Variants in CACNA1C observed in about 807,000 individuals in gnomAD.
CACNA1C encodes calcium voltage-gated channel subunit alpha1 C, also known as voltage-dependent L-type calcium channel subunit alpha-1C.
In CACNA1C, 30 loss-of-function variants were observed where a neutral mutation model predicts 229.0. The ratio of observed to expected loss-of-function variants is 0.13; its 90% CI spans 0.10 to 0.18. The LOEUF is 0.18. CACNA1C is among the 10% of genes least tolerant of loss of function. CACNA1C has a pLI of 1.00. For missense variants in CACNA1C, 1,658 were observed against 2,845.0 expected (o/e 0.58, Z 9.49); for synonymous variants, 1,114 against 1,132.5 (o/e 0.98, Z 0.33).
At chr12:2,667,232 C>CA (rs959589385) in intron 37 of CACNA1C, among the ~76,000 whole-genome samples, 27 of 97,960 alleles carry the variant, frequency 2.8e-4, no homozygotes, top group South Asian at 1.8e-3. Flanking sequence ...GACCATGACC[C>CA]AAAAAAAAAG....
At chr12:2,052,778 G>A (rs1356348910), upstream of CACNA1C, among the ~76,000 whole-genome samples, 1 of 145,808 alleles carries the variant, frequency 6.9e-6, no homozygotes, top group African/African-American at 2.5e-5. Flanking sequence ...GGCGCCGGGA[G>A]GGGGCCCGAC....
intron 9 of CACNA1C, among the ~76,000 whole-genome samples, chr12:2,542,505 T>C (rs964451522): frequency 1.3e-5 from 2 of 152,190 alleles, no homozygotes; most frequent in African/African-American, 2.4e-5. Flanking sequence ...AGTGCAGCCA[T>C]ACTTTCAAAG....
At chr12:2,513,590 C>T (rs1277637874) in intron 9 of CACNA1C, among the ~76,000 whole-genome samples, 1 of 152,164 alleles carries the variant, frequency 6.6e-6, no homozygotes, top group Non-Finnish European at 1.5e-5. Flanking sequence ...TGGGGGTTCA[C>T]GTGGCCCCTT....
chr12:2,303,798 G>C (rs555168059), intron 3 of CACNA1C, among the ~76,000 whole-genome samples: 11 of 152,290 alleles, frequency 7.2e-5, no homozygotes, highest in African/African-American at 2.4e-4. Flanking sequence ...TCCAGGGGAG[G>C]CACCTCAGTC....
Position 2,029,373 on chromosome 12 carries a change from A to C in CACNA1C, c.139+58172A>C, listed in dbSNP as rs2047854066. ...TCCGCAATATACACCATCACCACTA[A>C]CTTTTTCATTAGTCCCGAAGGAAAC... is the stretch of plus-strand genomic sequence containing the variant. On this transcript the variant is annotated intron_variant, in intron 1 of 46. Coordinates refer to the CACNA1C transcript ENST00000682462. The surrounding 1 kb of genome is among the most constrained non-coding windows in gnomAD (Gnocchi z 4.9). Among the ~76,000 whole-genome samples, 1 of 152,184 alleles carries C rather than the reference A, an allele frequency of 6.6e-6. No homozygotes were observed. Among genetic ancestry groups the C allele is most frequent in the African/African-American group, 2.4e-5 (1 of 41,442 alleles).
intron 13 of CACNA1C, among the ~76,000 whole-genome samples, chr12:2,569,187 C>T (rs781601326): frequency 1.3e-5 from 2 of 152,182 alleles, no homozygotes; most frequent in African/African-American, 2.4e-5. Context: ...CAAGCAGTGA[C>T]TCTCAAGACA....
chr12:2,487,805 C>T (rs1211549482), intron 6 of CACNA1C, among the ~76,000 whole-genome samples: 1 of 152,024 alleles, frequency 6.6e-6, no homozygotes, highest in Non-Finnish European at 1.5e-5. Context: ...TAATATTTTC[C>T]CCTTTAATTA....
chr12:2,525,633 A>G (rs901261072), intron 9 of CACNA1C, among the ~76,000 whole-genome samples: 2 of 126,984 alleles, frequency 1.6e-5, no homozygotes, highest in African/African-American at 7.4e-5. Flanking sequence ...GAGAATTCCA[A>G]GCAACTCAGC....
intron 3 of CACNA1C, among the ~76,000 whole-genome samples, chr12:2,206,345 T>C (rs1404951088): frequency 2.6e-5 from 4 of 152,156 alleles, no homozygotes; most frequent in African/African-American, 4.8e-5. Context: ...GTTGGGAGAA[T>C]GGCAGAGCAT....
At chr12:2,686,355 G>A in intron 45 of CACNA1C, 86 bp downstream of exon 45, 2 of 1,050,270 alleles carry the variant, frequency 1.9e-6, no homozygotes, top group Non-Finnish European at 3.0e-6. Flanking sequence ...GAAGACTTCA[G>A]TGGGTCTTGC....
At chr12:2,600,598 G>A (rs959870956) in intron 21 of CACNA1C, among the ~76,000 whole-genome samples, 3 of 152,176 alleles carry the variant, frequency 2.0e-5, no homozygotes, top group African/African-American at 4.8e-5. Context: ...TGGCCCTTAC[G>A]CAAGTCGGCA....
chr12:2,297,890 A>G (rs1025781341), intron 3 of CACNA1C, among the ~76,000 whole-genome samples: 2 of 152,304 alleles, frequency 1.3e-5, no homozygotes, highest in Middle Eastern at 3.4e-3. Flanking sequence ...ACACACACAC[A>G]CGTGTGCACA....
intron 1 of CACNA1C, among the ~76,000 whole-genome samples, chr12:2,068,605 A>G (rs4765884): frequency 0.42 from 64,160 of 152,122 alleles, 14,251 homozygotes; most frequent in East Asian, 0.71. Context: ...TAGACAGTCC[A>G]GTGGCCCCAA....
At chr12:2,195,308 G>C (rs760306396) in intron 3 of CACNA1C, among the ~76,000 whole-genome samples, 1 of 152,170 alleles carries the variant, frequency 6.6e-6, no homozygotes, top group Non-Finnish European at 1.5e-5. Context: ...GGATTCTTCC[G>C]CAGGAAATGG....
chr12:2,112,341 G>A lies in CACNA1C; in HGVS notation c.50-2883G>A, dbSNP rs536317459. Among the ~76,000 whole-genome samples the A allele has an allele frequency of 1.4e-3, 210 of 151,218 alleles. 1 individual carries two copies. Among genetic ancestry groups the A allele is most frequent in the African/African-American group, 4.9e-3 (200 of 41,134 alleles). On this transcript the variant is annotated intron_variant, in intron 1 of 46. Transcript: ENST00000399655. ...CCGGCCTTATTGGGGTCTTCCTCAC[G>A]TTAGGCTTGGGATCTACACAGTGAG... is the stretch of plus-strand genomic sequence containing the variant.
At position 2,512,794 on chromosome 12, in the gene CACNA1C, T is replaced by A; in HGVS notation, c.1218-18T>A. 1 of 1,598,096 alleles carries A rather than the reference T, an allele frequency of 6.3e-7. No homozygotes were observed. The highest frequency in any genetic ancestry group is 8.5e-7 in the Non-Finnish European group (1 of 1,171,722). ...TCTCTGTGCTCTCCTGCCCTGCCCC[T>A]CCTCTCACTCTCACCAGAGAGTTTT... is the stretch of plus-strand genomic sequence containing the variant. On this transcript the variant is annotated intron_variant, in intron 8 of 46. Transcript: ENST00000399655. The surrounding 1 kb of genome is among the most constrained non-coding windows in gnomAD (Gnocchi z 4.3).
Position 2,504,668 on chromosome 12 carries a change from G to C in CACNA1C, c.1114-174G>C. 1.3e-6 allele frequency: 1 copy of C among 765,810 alleles called. No homozygotes were observed. The highest frequency in any genetic ancestry group is 2.3e-6 in the Non-Finnish European group (1 of 431,456). The allele number at this position is 765,810 out of a possible 1,614,324, so 47.4% of individuals were successfully genotyped here. ...CCAGGAAAACCACAACAAAGCCTCT[G>C]TTCAACCACAGATTCTGACCCATTG... On this transcript the variant is annotated intron_variant, in intron 7 of 46. Transcript: ENST00000399655. This position sits in a 1 kb window ranked among gnomAD's most constrained non-coding sequence, Gnocchi z 6.8.
intron 42 of CACNA1C, 112 bp from the exon 43 acceptor site, chr12:2,682,438 T>C: frequency 7.9e-7 from 1 of 1,268,990 alleles, no homozygotes; most frequent in South Asian, 1.4e-5. Flanking sequence ...GTGCTTGTGT[T>C]TGTGCACGTG....
At chr12:2,576,594 C>T (rs369384644) in intron 13 of CACNA1C, among the ~76,000 whole-genome samples, 1 of 152,014 alleles carries the variant, frequency 6.6e-6, no homozygotes, top group African/African-American at 2.4e-5. Context: ...GCCATTAACC[C>T]CTCTAGTTTA....
Sources: allele counts gnomAD v4.1 joint callset (sites outside exome capture counted in the v4.1 genomes callset), GRCh38; gene constraint gnomAD v4.1.1; non-coding constraint Gnocchi (gnomAD v3.1); transcripts MANE v1.5; gene names NCBI Gene and HGNC (gene_info 2026-07-23, HGNC 2026-07-21).